The following CDHR4 variants were observed in gnomAD, a reference collection of about 807,000 sequenced individuals.
The protein encoded by CDHR4 is cadherin related family member 4.
A neutral mutation model predicts 88.4 loss-of-function variants in CDHR4; 89 were observed. That is an observed-to-expected ratio of 1.01 (90% CI 0.85 to 1.20). CDHR4 has a LOEUF of 1.20. Ranked by LOEUF, CDHR4 falls within the 50% of genes most tolerant of loss-of-function variation. The pLI, the probability that CDHR4 is intolerant of heterozygous loss-of-function variation, is 0.00. For synonymous variants in CDHR4, 368 were observed against 399.2 expected (o/e 0.92, Z 0.93); for missense variants, 914 against 1,007.2 (o/e 0.91, Z 1.25).
chr3:49,792,048 G>A, intron 15 of CDHR4, 89 bp from the exon 16 acceptor site: 1 of 1,318,646 alleles, frequency 7.6e-7, no homozygotes, highest in South Asian at 1.3e-5. Context: ...CCTTTATATT[G>A]GGAACAACCA....
chr3:49,799,541 G>T, intron 1 of CDHR4, 104 bp from the exon 2 acceptor site: 1 of 1,282,144 alleles, frequency 7.8e-7, no homozygotes, highest in South Asian at 1.5e-5. Context: ...ATGCCATGGG[G>T]CCAAGCAGCT....
chr3:49,795,042 C>T lies in CDHR4; in HGVS notation c.1090G>A (p.Asp364Asn). The T allele has an allele frequency of 3.2e-6, 5 of 1,551,708 alleles. No individual in the cohort carries two copies. The highest frequency in any genetic ancestry group is 4.4e-6 in the Non-Finnish European group (5 of 1,146,988). The change falls in exon 9 of 19, where the codon GAT becomes AAT. Residue 364 changes from aspartate (D) to asparagine (N), a missense_variant. Coordinates refer to ENST00000412678, the MANE Select transcript of CDHR4 (RefSeq NM_001007540.4). This position sits in a 1 kb window ranked among gnomAD's most constrained non-coding sequence, Gnocchi z 5.4. ...AGGGTGGCACCAACAGAGTCCGGAT[C>T]TTCGCAAGTGAGAGTATTCAGCACG... ...GTVLNTLTCE[D>N]PDSVGATLDY...
At chr3:49,796,188 T>C in intron 5 of CDHR4, 142 bp from the exon 6 acceptor site, 1 of 589,850 alleles carries the variant, frequency 1.7e-6, no homozygotes, top group Non-Finnish European at 2.9e-6. Flanking sequence ...ATGATCCCCA[T>C]GACCTGTCAC....
rs1264210813 is a variant in CDHR4, at chr3:49,796,915, TG to T, written c.606+6del. 7.1e-6 allele frequency: 11 copies of T among 1,548,000 alleles called. No homozygotes were observed. The highest frequency in any genetic ancestry group is 9.6e-6 in the Non-Finnish European group (11 of 1,143,806). ...ATAAACACCCTCAGATTCCAGGTCATGCTCACCTTTTGAGCCTGGCCTAGGA... is the reference window on the plus strand; with the variant it reads ...ATAAACACCCTCAGATTCCAGGTCATCTCACCTTTTGAGCCTGGCCTAGGA... On this transcript the variant is annotated splice_donor_region_variant and intron_variant, in intron 5 of 18. Coordinates refer to ENST00000412678, the MANE Select transcript of CDHR4 (RefSeq NM_001007540.4).
upstream of CDHR4, among the ~76,000 whole-genome samples, chr3:49,800,826 G>A (rs1011843063): frequency 2.1e-5 from 3 of 145,314 alleles, no homozygotes; most frequent in Admixed American, 7.2e-5. Context: ...CAGGAGGATC[G>A]TTTGAGATCA....
At chr3:49,799,620 G>T in intron 1 of CDHR4, 144 bp downstream of exon 1, 1 of 1,055,118 alleles carries the variant, frequency 9.5e-7, no homozygotes, top group Non-Finnish European at 1.4e-6. Context: ...TGAGGAAGTG[G>T]CCAAGAGAAG....
rs944535166 is a variant in CDHR4 at position 49,795,002 on chromosome 3, C to T, written c.1130G>A (p.Trp377Ter). Residue 377 changes from tryptophan (W) to a stop codon, truncating the protein, a stop_gained, in exon 9 of 19, where the codon TGG becomes TAG. Coordinates refer to ENST00000412678, the MANE Select transcript of CDHR4 (RefSeq NM_001007540.4). LOFTEE classifies it high-confidence loss of function. This position sits in a 1 kb window ranked among gnomAD's most constrained non-coding sequence, Gnocchi z 5.4. ...SVGATLDYKL[W>*]FRSSSNPASL... is the part of the protein sequence containing the mutation. Reference sequence around the variant, plus strand: ...GGCAGGGTTGGAAGAGCTGCGGAACCACAGCTTGTAGTCCAGGGTGGCACC... The same window carrying T: ...GGCAGGGTTGGAAGAGCTGCGGAACTACAGCTTGTAGTCCAGGGTGGCACC... 6.4e-7 allele frequency: 1 copy of T among 1,551,662 alleles called. No homozygotes were observed. The highest frequency in any genetic ancestry group is 8.7e-7 in the Non-Finnish European group (1 of 1,146,992).
At chr3:49,791,384 A>G in intron 18 of CDHR4, 57 bp downstream of exon 18, 1 of 1,502,370 alleles carries the variant, frequency 6.7e-7, no homozygotes, top group African/African-American at 1.4e-5. Flanking sequence ...AGAGGAGGAG[A>G]TACTCAGATG....
In CDHR4 at chr3:49,793,969, G is replaced by A. The variant is rs113873087; in HGVS notation, c.1317C>T (p.Asn439=). 1.5e-5 allele frequency: 24 copies of A among 1,551,704 alleles called. 1 individual carries two copies. Among genetic ancestry groups the A allele is most frequent in the African/African-American group, 1.4e-4 (10 of 73,184 alleles). ...GAGGGGCACAGGCTGGGGAGAACTC[G>A]TTGATGGGTGTCACCATCACCAGTA... ...VPVLVMVTPI[N]EFSPACAPRT... is the part of the protein sequence containing the mutation. The change falls in exon 11 of 19, where the codon AAC becomes AAT. Residue 439 remains asparagine (N), a synonymous_variant. Transcript: ENST00000412678.
At position 49,793,569 on chromosome 3, in the gene CDHR4, T is replaced by C; in HGVS notation, c.1623+14A>G. 6.4e-7 allele frequency: 1 copy of C among 1,551,564 alleles called. No homozygotes were observed. The highest frequency in any genetic ancestry group is 1.4e-5 in the African/African-American group (1 of 73,162). The stretch of plus-strand genomic sequence containing the variant: ...TTCCAAGTATTTATTTCCAAAGCCT[T>C]AGGACGCAATTACCTCAACCTCGAT... On this transcript the variant is annotated intron_variant, in intron 12 of 18. Transcript: ENST00000412678.
At position 49,795,666 on chromosome 3, in the gene CDHR4, A is replaced by G. The variant is rs780163835; in HGVS notation, c.809T>C (p.Leu270Pro). ...ARGVDLRYEI[L>P]SPVPSPLFSI... ...GAAGAGTGGGCTGGGCACCGGAGAC[A>G]GGATTTCATAGCGCAGGTCGACACC... is the stretch of plus-strand genomic sequence containing the variant. The change falls in exon 7 of 19, where the codon CTG becomes CCG. Residue 270 changes from leucine (L) to proline (P), a missense_variant. Transcript: ENST00000412678. The surrounding 1 kb of genome is among the most constrained non-coding windows in gnomAD (Gnocchi z 5.4). 37 of 1,551,560 alleles carry G rather than the reference A, an allele frequency of 2.4e-5. 1 individual carries two copies. In the South Asian group the frequency reaches 3.7e-4, roughly 15 times the overall value.
chr3:49,799,886 G>A (rs1410946943), upstream of CDHR4: 24 of 1,539,594 alleles, frequency 1.6e-5, no homozygotes, highest in Admixed American at 1.7e-5. Flanking sequence ...CCTGTTGCCA[G>A]GTCAGTTGCT....
chr3:49,793,039 TG>T lies in CDHR4; in HGVS notation c.1809del (p.Ile604SerfsTer23). On this transcript the variant is annotated frameshift_variant, in exon 14 of 19. Coordinates refer to ENST00000412678, the MANE Select transcript of CDHR4 (RefSeq NM_001007540.4). LOFTEE classifies it high-confidence loss of function. ...AACACAAGGTCACTGTGCACCAGGA[TG>T]GCCCCTTGCAGGATGAATCGGTTCT... is the stretch of plus-strand genomic sequence containing the variant. Reference protein sequence around the residue: ...NSQNRFILQGAILVHSDLVLG... With the variant: ...NSQNRFILQGXILVHSDLVLG... 6.4e-7 allele frequency: 1 copy of T among 1,551,556 alleles called. No individual in the cohort carries two copies. Among genetic ancestry groups the T allele is most frequent in the African/African-American group, 1.4e-5 (1 of 73,166 alleles).
chr3:49,791,368 G>T, intron 18 of CDHR4, 73 bp downstream of exon 18: 1 of 1,463,190 alleles, frequency 6.8e-7, no homozygotes, highest in Non-Finnish European at 9.2e-7. Context: ...TTGAGATGGG[G>T]TAAAGAGAGG....
At chr3:49,794,125 G>A (rs1402745967) in intron 10 of CDHR4, 119 bp from the exon 11 acceptor site, 24 of 1,015,768 alleles carry the variant, frequency 2.4e-5, no homozygotes, top group African/African-American at 6.4e-5. Flanking sequence ...TCTGCTGGGC[G>A]TGGTGGCTCA....
chr3:49,798,040 T>G (rs2081297881), intron 4 of CDHR4, among the ~76,000 whole-genome samples: 1 of 151,102 alleles, frequency 6.6e-6, no homozygotes, highest in African/African-American at 2.4e-5. Flanking sequence ...CCCAAGTAGC[T>G]GGGATTACAG....
In CDHR4 at chr3:49,790,901, G is replaced by A; in HGVS notation, c.2312-14C>T. ...CTCTTCCGGTACCTAAAACCGGTAG[G>A]AGAGAGAGGAGAGCAGGGGGTGCTG... On this transcript the variant is annotated splice_polypyrimidine_tract_variant and intron_variant, in intron 18 of 18. Coordinates refer to ENST00000412678, the MANE Select transcript of CDHR4 (RefSeq NM_001007540.4). 1.3e-6 allele frequency: 2 copies of A among 1,548,150 alleles called. No homozygotes were observed. Among genetic ancestry groups the A allele is most frequent in the South Asian group, 2.4e-5 (2 of 83,730 alleles).
Position 49,795,635 on chromosome 3 carries a change from A to G in CDHR4, c.840T>C (p.Ile280=). The G allele has an allele frequency of 4.5e-6, 7 of 1,551,484 alleles. No individual in the cohort carries two copies. Among genetic ancestry groups the G allele is most frequent in the Non-Finnish European group, 6.1e-6 (7 of 1,146,918 alleles). ...CCCCCCAACACCTCTCACCACGACC[A>G]ATGGAGAAGAGTGGGCTGGGCACCG... The part of the protein sequence containing the change: ...LSPVPSPLFS[I]GRADGVVRTT... The change falls in exon 7 of 19, where the codon ATT becomes ATC. Residue 280 remains isoleucine, a synonymous_variant. Coordinates refer to ENST00000412678, the MANE Select transcript of CDHR4 (RefSeq NM_001007540.4). This position sits in a 1 kb window ranked among gnomAD's most constrained non-coding sequence, Gnocchi z 5.4.
In CDHR4 at chr3:49,798,560, C is replaced by T. The variant is rs940911679; in HGVS notation, c.495+266G>A. 6.0e-6 allele frequency: 3 copies of T among 503,186 alleles called. No individual in the cohort carries two copies. In the Admixed American group the frequency reaches 1.1e-4, roughly 19 times the overall value. The allele number at this position is 503,186 out of a possible 1,614,324, so 31.2% of individuals were successfully genotyped here. A position where few individuals can be genotyped will look rare whatever the true frequency, so the allele number is the denominator to read the frequency against. ...CCGAGATCGCGCCACTGCACTCCAG[C>T]CTGGACGACAGAGCAAGACTCCGTC... On this transcript the variant is annotated intron_variant, in intron 4 of 18. Transcript: ENST00000412678.
Sources: allele counts gnomAD v4.1 joint callset (sites outside exome capture counted in the v4.1 genomes callset), GRCh38; gene constraint gnomAD v4.1.1; non-coding constraint Gnocchi (gnomAD v3.1); transcripts MANE v1.5; gene names NCBI Gene and HGNC (gene_info 2026-07-23, HGNC 2026-07-21).